UCK2: variants seen among roughly 807,000 people sequenced by gnomAD.
UCK2 encodes uridine-cytidine kinase 2, also known as cytidine monophosphokinase 2.
A neutral mutation model predicts 30.8 loss-of-function variants in UCK2; 6 were observed. That is an observed-to-expected ratio of 0.19 (90% CI 0.11 to 0.38). The LOEUF (loss-of-function observed/expected upper bound fraction) is 0.38, where lower values mean the gene tolerates loss of function less well. Among genes scored for constraint, UCK2 ranks in the 10% least tolerant of loss-of-function variants. UCK2 has a pLI of 1.00. For missense variants in UCK2, 210 were observed against 339.8 expected, an observed-to-expected ratio of 0.62 and a Z score of 3.00; for synonymous variants, 125 against 133.6, an observed-to-expected ratio of 0.94 and a Z score of 0.45.
At chr1:165,838,786 G>T (rs186424318) in intron 1 of UCK2, among the ~76,000 whole-genome samples, 1 of 151,762 alleles carries the variant, frequency 6.6e-6, no homozygotes, top group Non-Finnish European at 1.5e-5. Flanking sequence ...AGTGGCTCAT[G>T]CATGTCATCG....
chr1:165,874,147 G>T (rs972356341), intron 1 of UCK2, among the ~76,000 whole-genome samples: 24 of 151,912 alleles, frequency 1.6e-4, no homozygotes, highest in African/African-American at 5.6e-4. Context: ...AAACAAAAGA[G>T]ACAGGGGTAG....
chr1:165,901,027 G>A (rs933405067), intron 4 of UCK2, among the ~76,000 whole-genome samples: 1 of 152,180 alleles, frequency 6.6e-6, no homozygotes, highest in African/African-American at 2.4e-5. Context: ...GGTTAGCCAT[G>A]TGTGCCGGAG....
intron 1 of UCK2, among the ~76,000 whole-genome samples, chr1:165,866,908 T>G (rs947818616): frequency 3.9e-5 from 6 of 152,260 alleles, no homozygotes; most frequent in African/African-American, 9.6e-5. Context: ...ACTGGGTTAC[T>G]TTCACCTTTT....
At chr1:165,891,798 C>G (rs1655776515) in intron 3 of UCK2, among the ~76,000 whole-genome samples, 1 of 152,122 alleles carries the variant, frequency 6.6e-6, no homozygotes, top group South Asian at 2.1e-4. Flanking sequence ...GAAAGCTTCT[C>G]AGTGGAATCA....
chr1:165,850,735 C>T (rs1654572175), intron 1 of UCK2, among the ~76,000 whole-genome samples: 1 of 151,370 alleles, frequency 6.6e-6, no homozygotes, highest in Non-Finnish European at 1.5e-5. Flanking sequence ...TCTCCTGCCT[C>T]AGCCTCCCGA....
At chr1:165,845,969 CTG>C (rs2101854972) in intron 1 of UCK2, among the ~76,000 whole-genome samples, 1 of 152,250 alleles carries the variant, frequency 6.6e-6, no homozygotes, top group African/African-American at 2.4e-5. Flanking sequence ...GCCCAGCATT[CTG>C]TGCGTTCTCA....
At chr1:165,884,318 G>A (rs1368754337) in intron 1 of UCK2, among the ~76,000 whole-genome samples, 1 of 152,228 alleles carries the variant, frequency 6.6e-6, no homozygotes, top group Admixed American at 6.5e-5. Flanking sequence ...TGGTTGCTAA[G>A]TTTTCTTCCC....
At chr1:165,874,437 A>G (rs930597079) in intron 1 of UCK2, among the ~76,000 whole-genome samples, 7 of 152,148 alleles carry the variant, frequency 4.6e-5, no homozygotes, top group African/African-American at 1.7e-4. Flanking sequence ...GCATGCTGCT[A>G]CCTTTTGTAA....
chr1:165,901,648 G>T (rs1647470442), intron 4 of UCK2, among the ~76,000 whole-genome samples: 1 of 152,138 alleles, frequency 6.6e-6, no homozygotes, highest in Non-Finnish European at 1.5e-5. Flanking sequence ...GAAAGATTTA[G>T]CAGCTCAGAT....
At chr1:165,832,397 A>G (rs79558113) in intron 1 of UCK2, among the ~76,000 whole-genome samples, 7,885 of 152,236 alleles carry the variant, frequency 0.052, 678 homozygotes, top group African/African-American at 0.18. Flanking sequence ...GGATTTAAGA[A>G]ACCATGAAAG....
At chr1:165,900,332 T>C (rs1026563647) in intron 4 of UCK2, 5 of 152,220 alleles carry the variant, frequency 3.3e-5, no homozygotes, top group African/African-American at 1.2e-4. Context: ...TTTATGCACA[T>C]CTCTGTATTC....
At chr1:165,833,893 G>A (rs1442539959) in intron 1 of UCK2, among the ~76,000 whole-genome samples, 2 of 151,976 alleles carry the variant, frequency 1.3e-5, no homozygotes, top group African/African-American at 4.8e-5. Context: ...TGTCATGAAA[G>A]CATTCGATCT....
intron 1 of UCK2, among the ~76,000 whole-genome samples, chr1:165,845,635 T>G (rs1654428087): frequency 6.6e-6 from 1 of 152,182 alleles, no homozygotes; most frequent in African/African-American, 2.4e-5. Flanking sequence ...GGGGTGCTCC[T>G]GCAGACAGCA....
chr1:165,862,105 A>G (rs1654923831), intron 1 of UCK2, among the ~76,000 whole-genome samples: 1 of 152,088 alleles, frequency 6.6e-6, no homozygotes, highest in Non-Finnish European at 1.5e-5. Context: ...TCCTTGCTAA[A>G]TACTTGACGG....
At chr1:165,848,493 A>G (rs1035840788) in intron 1 of UCK2, among the ~76,000 whole-genome samples, 2 of 152,106 alleles carry the variant, frequency 1.3e-5, no homozygotes, top group Non-Finnish European at 2.9e-5. Context: ...TTAGCCGGGT[A>G]TATTGGCGTG....
intron 1 of UCK2, among the ~76,000 whole-genome samples, chr1:165,835,359 GTTA>G (rs142162324): frequency 0.02 from 3,035 of 150,444 alleles, 81 homozygotes; most frequent in African/African-American, 0.068. Context: ...TTTAAAATTA[GTTA>G]TTATTATTAT....
chr1:165,869,240 T>A (rs1655128847), intron 1 of UCK2, among the ~76,000 whole-genome samples: 1 of 152,160 alleles, frequency 6.6e-6, no homozygotes, highest in African/African-American at 2.4e-5. Context: ...TTTGAGATAT[T>A]GTGAGAATTA....
chr1:165,845,095 G>A (rs1654416993), intron 1 of UCK2, among the ~76,000 whole-genome samples: 1 of 152,164 alleles, frequency 6.6e-6, no homozygotes, highest in South Asian at 2.1e-4. Flanking sequence ...CCTGCCATTG[G>A]CATCTGAAGT....
chr1:165,847,200 G>A (rs934212803), intron 1 of UCK2, among the ~76,000 whole-genome samples: 3 of 152,074 alleles, frequency 2.0e-5, no homozygotes, highest in East Asian at 1.9e-4. Context: ...ATGATCTTGG[G>A]CAAAGTTACT....
Sources: gnomAD v4.1 joint callset for allele counts (sites outside exome capture counted in the v4.1 genomes callset) on GRCh38, gnomAD v4.1.1 for gene constraint, MANE v1.5 for transcripts, NCBI Gene and HGNC (gene_info 2026-07-23, HGNC 2026-07-21) for gene names.